The following ZNF366 variants were observed in gnomAD, a reference collection of about 807,000 sequenced individuals.
ZNF366 encodes the protein dendritic cell-specific transcript protein.
Under a neutral mutation model 47.2 loss-of-function variants are expected in ZNF366, and 20 were observed. The observed-to-expected ratio is 0.42, with a 90% CI of 0.30 to 0.62. The LOEUF (loss-of-function observed/expected upper bound fraction) is 0.62, where lower values mean the gene tolerates loss of function less well. Among genes scored for constraint, ZNF366 ranks in the 20% least tolerant of loss-of-function variants. ZNF366 has a pLI of 0.16. For missense variants in ZNF366, 987 were observed against 976.3 expected (o/e 1.01, Z -0.15); for synonymous variants, 421 against 395.1 (o/e 1.07, Z -0.78).
intron 1 of ZNF366, among the ~76,000 whole-genome samples, chr5:72,503,165 G>A (rs752265895): frequency 1.3e-5 from 2 of 152,128 alleles, no homozygotes; most frequent in Non-Finnish European, 2.9e-5. Context: ...AATGTTTACA[G>A]ATCTAAGTAA....
At chr5:72,491,245 C>A (rs1305191762) in intron 1 of ZNF366, among the ~76,000 whole-genome samples, 1 of 152,186 alleles carries the variant, frequency 6.6e-6, no homozygotes, top group East Asian at 1.9e-4. Context: ...CACATCATTG[C>A]AGAATTCATG....
At chr5:72,500,856 G>C (rs534101132) in intron 1 of ZNF366, among the ~76,000 whole-genome samples, 1 of 152,342 alleles carries the variant, frequency 6.6e-6, no homozygotes, top group South Asian at 2.1e-4. Context: ...TTTCTAACAA[G>C]CTCCTAGGTG....
At chr5:72,446,958 C>T (rs1052970657) in intron 4 of ZNF366, among the ~76,000 whole-genome samples, 1 of 152,162 alleles carries the variant, frequency 6.6e-6, no homozygotes, top group African/African-American at 2.4e-5. Flanking sequence ...CTTGGAGTTG[C>T]CATGAATATT....
Position 72,443,066 on chromosome 5 carries a change from C to T in ZNF366, c.*690G>A, listed in dbSNP as rs1238278919. Reference sequence around the variant, plus strand: ...GGGTTTGTCTGAGGAGCCAGGGCCCCAAACATCATCATATCATCTGAAAAA... The same window carrying T: ...GGGTTTGTCTGAGGAGCCAGGGCCCTAAACATCATCATATCATCTGAAAAA... On this transcript the variant is annotated 3_prime_UTR_variant, in exon 5 of 5. Transcript: ENST00000318442. 1 of 152,324 alleles carries T rather than the reference C, an allele frequency of 6.6e-6. No homozygotes were observed. The highest frequency in any genetic ancestry group is 1.5e-5 in the Non-Finnish European group (1 of 68,116). The allele number at this position is 152,324 out of a possible 1,614,324, so 9.4% of individuals were successfully genotyped here. A position where few individuals can be genotyped will look rare whatever the true frequency, so the allele number is the denominator to read the frequency against.
intron 1 of ZNF366, among the ~76,000 whole-genome samples, chr5:72,482,249 A>C (rs1284192815): frequency 6.6e-6 from 1 of 152,230 alleles, no homozygotes; most frequent in Admixed American, 6.5e-5. Context: ...GAAAACCTAG[A>C]AAAGATCCCC....
intron 1 of ZNF366, among the ~76,000 whole-genome samples, chr5:72,477,711 G>A (rs1469174869): frequency 6.6e-6 from 1 of 152,084 alleles, no homozygotes; most frequent in East Asian, 1.9e-4. Flanking sequence ...CTTATCTACG[G>A]TCACATAACC....
At chr5:72,458,387 T>C (rs2112325796) in intron 2 of ZNF366, among the ~76,000 whole-genome samples, 1 of 152,322 alleles carries the variant, frequency 6.6e-6, no homozygotes, top group East Asian at 1.9e-4. Context: ...AAGGAGACGT[T>C]TCTGCTTATC....
rs779392244 is a variant in ZNF366, at chr5:72,461,023, G to A, written c.474C>T (p.Ser158=). The A allele has an allele frequency of 6.2e-7, 1 of 1,614,122 alleles. No individual in the cohort carries two copies. Among genetic ancestry groups the A allele is most frequent in the Non-Finnish European group, 8.5e-7 (1 of 1,180,028 alleles). The part of the protein sequence containing the change: ...KPVKQEPIKP[S]AVWPQPTPTP... ...TGGGCGTTGGCTGGGGCCACACGGC[G>A]CTGGGCTTAATGGGTTCCTGCTTGA... Residue 158 remains serine, a synonymous_variant, in exon 2 of 5, where the codon AGC becomes AGT. Transcript: ENST00000318442.
intron 1 of ZNF366, among the ~76,000 whole-genome samples, chr5:72,467,972 C>T (rs1442912543): frequency 6.6e-6 from 1 of 152,162 alleles, no homozygotes; most frequent in Non-Finnish European, 1.5e-5. Context: ...TAGACATGAA[C>T]TGGCGGTTAT....
intron 1 of ZNF366, among the ~76,000 whole-genome samples, chr5:72,504,660 A>G (rs1377529735): frequency 2.6e-5 from 4 of 152,206 alleles, no homozygotes; most frequent in African/African-American, 4.8e-5. Context: ...GATCCTTGGT[A>G]TAGTATTAAG....
chr5:72,500,619 A>G (rs1262000387), intron 1 of ZNF366, among the ~76,000 whole-genome samples: 1 of 152,216 alleles, frequency 6.6e-6, no homozygotes, highest in East Asian at 1.9e-4. Flanking sequence ...CAGTAATGCC[A>G]CTATTTAATA....
At chr5:72,505,571 T>G (rs990070406) in intron 1 of ZNF366, among the ~76,000 whole-genome samples, 3 of 152,222 alleles carry the variant, frequency 2.0e-5, no homozygotes, top group Admixed American at 6.5e-5. Context: ...GTCATTTGTT[T>G]CCTATTGTGT....
At chr5:72,498,798 T>C (rs935899832) in intron 1 of ZNF366, among the ~76,000 whole-genome samples, 2 of 152,232 alleles carry the variant, frequency 1.3e-5, no homozygotes, top group Admixed American at 1.3e-4. Context: ...ACATGTACCA[T>C]GTACCTAGCG....
At chr5:72,483,930 A>C (rs1743836676) in intron 1 of ZNF366, among the ~76,000 whole-genome samples, 1 of 152,164 alleles carries the variant, frequency 6.6e-6, no homozygotes, top group Non-Finnish European at 1.5e-5. Flanking sequence ...TCTACTTAAA[A>C]AAAAAACTTT....
intron 2 of ZNF366, 90 bp downstream of exon 2, chr5:72,460,075 C>T (rs780129752): frequency 2.0e-6 from 3 of 1,500,356 alleles, no homozygotes; most frequent in Middle Eastern, 2.4e-4. Context: ...AGGTGCAGAG[C>T]GGCACAGGCG....
chr5:72,502,684 T>TA (rs1246674724), intron 1 of ZNF366, among the ~76,000 whole-genome samples: 4 of 152,146 alleles, frequency 2.6e-5, no homozygotes, highest in Non-Finnish European at 4.4e-5. Context: ...GCACACGTTG[T>TA]AAAAAAATAA....
Position 72,461,415 on chromosome 5 carries a change from A to C in ZNF366, c.82T>G (p.Cys28Gly). Residue 28 changes from cysteine (C) to glycine (G), a missense_variant, in exon 2 of 5, where the codon TGC becomes GGC. Around this residue, in one of 3 missense-constraint regions of ZNF366, gnomAD observed 591 missense variants for 560.9 expected, o/e 1.05. Transcript: ENST00000318442. The part of the protein sequence containing the change: ...AVKKTPSFPH[C>G]LQPVASRGKA... ...CCCCGAGAAGCCACTGGCTGCAGGC[A>C]GTGGGGAAAGGAGGGGGTCTTCTTC... 6.2e-7 allele frequency: 1 copy of C among 1,612,258 alleles called. No homozygotes were observed. Among genetic ancestry groups the C allele is most frequent in the Non-Finnish European group, 8.5e-7 (1 of 1,178,570 alleles).
At chr5:72,482,461 C>T (rs1487965349) in intron 1 of ZNF366, among the ~76,000 whole-genome samples, 1 of 152,192 alleles carries the variant, frequency 6.6e-6, no homozygotes, top group East Asian at 1.9e-4. Context: ...TAATTCTCAC[C>T]TGCTTCTCTG....
At position 72,461,292 on chromosome 5, in the gene ZNF366, C is replaced by T. The variant is rs1362405444; in HGVS notation, c.205G>A (p.Gly69Arg). The T allele has an allele frequency of 1.1e-5, 17 of 1,613,920 alleles. No individual in the cohort carries two copies. The highest frequency in any genetic ancestry group is 1.4e-5 in the Non-Finnish European group (16 of 1,180,024). Residue 69 changes from glycine (G) to arginine (R), a missense_variant, in exon 2 of 5, where the codon GGG (glycine) becomes AGG (arginine). Gly to Arg is a moderately radical substitution (Grantham distance 125). Around this residue, in one of 3 missense-constraint regions of ZNF366, gnomAD observed 591 missense variants for 560.9 expected, o/e 1.05. Coordinates refer to ENST00000318442, the MANE Select transcript of ZNF366 (RefSeq NM_152625.3). ...CTAGACCCTGCTCCTTCGAAGACCC[C>T]GGGGAACCCATCTAGGTCTCCTGGG... is the stretch of plus-strand genomic sequence containing the variant. The part of the protein sequence containing the change: ...PPPGDLDGFP[G>R]VFEGAGSRKR...
Sources: gnomAD v4.1 joint callset for allele counts (sites outside exome capture counted in the v4.1 genomes callset) on GRCh38, gnomAD v4.1.1 for gene constraint, gnomAD v4.1.1 regional missense constraint, MANE v1.5 for transcripts, NCBI Gene and HGNC (gene_info 2026-07-23, HGNC 2026-07-21) for gene names.